CPNE4: variants seen among roughly 807,000 people sequenced by gnomAD.
CPNE4 encodes copine 4, also known as copine-4.
A neutral mutation model predicts 67.9 loss-of-function variants in CPNE4; 25 were observed. That is an observed-to-expected ratio of 0.37 (90% confidence interval 0.27 to 0.51). CPNE4 has a LOEUF of 0.51. Ranked by LOEUF, CPNE4 falls within the 20% of genes least tolerant of loss-of-function variation. The probability of loss-of-function intolerance (pLI) is 0.93; values close to 1 mark genes in which losing one functional copy is unlikely to be tolerated. For missense variants in CPNE4, 464 were observed against 690.8 expected (o/e 0.67, Z 3.68); for synonymous variants, 242 against 244.9 (o/e 0.99, Z 0.11).
At chr3:131,713,314 C>T (rs2081604335) in intron 3 of CPNE4, among the ~76,000 whole-genome samples, 1 of 152,112 alleles carries the variant, frequency 6.6e-6, no homozygotes, top group Non-Finnish European at 1.5e-5. Flanking sequence ...AAATTAAATA[C>T]AGTTGTTTTC....
intron 1 of CPNE4, among the ~76,000 whole-genome samples, chr3:131,911,958 G>T (rs867431351): frequency 6.6e-6 from 1 of 152,112 alleles, no homozygotes; most frequent in South Asian, 2.1e-4. Context: ...CTCTGTCAAC[G>T]AGTGATCAGC....
At position 131,986,754 on chromosome 3, in the gene CPNE4, C is replaced by G. The variant is rs191421898; in HGVS notation, c.-2+47813G>C. Among the ~76,000 whole-genome samples, 649 of 151,018 alleles carry G rather than the reference C, an allele frequency of 4.3e-3. 5 individuals carry two copies. Among genetic ancestry groups the G allele is most frequent in the African/African-American group, 0.015 (611 of 41,188 alleles). Reference sequence around the variant, plus strand: ...TACTAAAAATATAAAAAATTAGAAGCCGGGAGGCGGAGGTTGCAGTGAGCC... The same window carrying G: ...TACTAAAAATATAAAAAATTAGAAGGCGGGAGGCGGAGGTTGCAGTGAGCC... On this transcript the variant is annotated intron_variant, in intron 1 of 15. Transcript: ENST00000429747.
chr3:131,787,471 C>T (rs2083598688), intron 2 of CPNE4, among the ~76,000 whole-genome samples: 1 of 152,088 alleles, frequency 6.6e-6, no homozygotes, highest in African/African-American at 2.4e-5. Context: ...TATCCCAGCC[C>T]CACTAATTTA....
intron 2 of CPNE4, among the ~76,000 whole-genome samples, chr3:131,836,639 T>C (rs1466264265): frequency 6.6e-6 from 1 of 152,196 alleles, no homozygotes; most frequent in African/African-American, 2.4e-5. Flanking sequence ...AGGAAGAATA[T>C]CTGTCTCTGC....
intron 2 of CPNE4, among the ~76,000 whole-genome samples, chr3:131,873,775 G>T (rs1187911749): frequency 6.6e-6 from 1 of 152,158 alleles, no homozygotes; most frequent in East Asian, 1.9e-4. Flanking sequence ...GAGATGCATT[G>T]AGCCCCAGGA....
intron 2 of CPNE4, among the ~76,000 whole-genome samples, chr3:131,743,974 A>AAAC (rs1445761252): frequency 6.7e-6 from 1 of 148,692 alleles, no homozygotes; most frequent in Non-Finnish European, 1.5e-5. Flanking sequence ...AAAAAAAAAA[A>AAAC]AAAAAAAAAA....
intron 2 of CPNE4, among the ~76,000 whole-genome samples, chr3:131,794,495 G>A (rs181559115): frequency 1.6e-4 from 25 of 152,176 alleles, no homozygotes; most frequent in African/African-American, 5.5e-4. Flanking sequence ...CACCCACCTC[G>A]GCCTCCCAAA....
chr3:131,753,231 T>G (rs929298447), intron 2 of CPNE4, among the ~76,000 whole-genome samples: 2 of 151,768 alleles, frequency 1.3e-5, no homozygotes, highest in South Asian at 4.2e-4. Context: ...AAAAGTAAAA[T>G]TTTGCTTCAT....
intron 1 of CPNE4, among the ~76,000 whole-genome samples, chr3:131,956,653 T>C (rs980711389): frequency 6.6e-6 from 1 of 152,118 alleles, no homozygotes. Context: ...AAAAACTATA[T>C]AAATATCCAA....
intron 2 of CPNE4, among the ~76,000 whole-genome samples, chr3:131,880,078 C>T (rs1236398756): frequency 6.6e-6 from 1 of 151,744 alleles, no homozygotes; most frequent in Non-Finnish European, 1.5e-5. Context: ...ACTGTTCATT[C>T]TCATATCTCA....
chr3:131,936,808 C>G (rs1032552760), intron 1 of CPNE4, among the ~76,000 whole-genome samples: 1 of 151,488 alleles, frequency 6.6e-6, no homozygotes, highest in Non-Finnish European at 1.5e-5. Flanking sequence ...AGAAATCAGA[C>G]AATAGATCGA....
intron 2 of CPNE4, among the ~76,000 whole-genome samples, chr3:131,802,933 T>C (rs75423484): frequency 0.011 from 1,739 of 152,278 alleles, 33 homozygotes; most frequent in African/African-American, 0.04. Flanking sequence ...ATTGGCACTT[T>C]AATGCCTTGG....
intron 2 of CPNE4, among the ~76,000 whole-genome samples, chr3:131,832,046 C>T (rs1012149606): frequency 6.6e-6 from 1 of 152,154 alleles, no homozygotes; most frequent in East Asian, 1.9e-4. Flanking sequence ...TCTGTTCATT[C>T]AGGTCAACAT....
At chr3:131,631,766 CAGG>C (rs2079227594) in intron 7 of CPNE4, among the ~76,000 whole-genome samples, 1 of 151,692 alleles carries the variant, frequency 6.6e-6, no homozygotes, top group African/African-American at 2.4e-5. Context: ...GGAGGGGTTG[CAGG>C]AGGAGAGAAA....
intron 2 of CPNE4, among the ~76,000 whole-genome samples, chr3:131,778,404 A>C (rs1027200129): frequency 2.0e-5 from 3 of 152,090 alleles, no homozygotes; most frequent in Non-Finnish European, 4.4e-5. Flanking sequence ...CTTGTCTGGC[A>C]CTTACAAGTG....
At chr3:131,772,500 C>T (rs1403329355) in intron 2 of CPNE4, among the ~76,000 whole-genome samples, 2 of 152,056 alleles carry the variant, frequency 1.3e-5, no homozygotes, top group Non-Finnish European at 2.9e-5. Flanking sequence ...TTGATAGTAT[C>T]AGAATCCCTA....
intron 1 of CPNE4, among the ~76,000 whole-genome samples, chr3:131,958,609 CTTTTTTTTTTTT>C (rs748126986): frequency 0.028 from 2,736 of 96,094 alleles, 113 homozygotes; most frequent in Non-Finnish European, 0.039. Context: ...TCTTTCTTTT[CTTTTTTTTTTTT>C]TTTTTTTTTT....
chr3:131,915,236 C>A (rs2089141103), intron 1 of CPNE4, among the ~76,000 whole-genome samples: 1 of 152,166 alleles, frequency 6.6e-6, no homozygotes, highest in Non-Finnish European at 1.5e-5. Flanking sequence ...ATTTGCTTAA[C>A]AATTACTTTC....
intron 1 of CPNE4, among the ~76,000 whole-genome samples, chr3:131,924,954 G>T (rs1440999882): frequency 6.6e-6 from 1 of 152,160 alleles, no homozygotes; most frequent in African/African-American, 2.4e-5. Context: ...TAGCAACCTT[G>T]AAGCACAGCT....
Sources: gnomAD v4.1 joint callset for allele counts (sites outside exome capture counted in the v4.1 genomes callset) on GRCh38, gnomAD v4.1.1 for gene constraint, MANE v1.5 for transcripts, NCBI Gene and HGNC (gene_info 2026-07-23, HGNC 2026-07-21) for gene names.